RASGRF2: variants seen among roughly 807,000 people sequenced by gnomAD.
RASGRF2 encodes the protein ras-specific guanine nucleotide-releasing factor 2.
In RASGRF2, 76 loss-of-function variants were observed where a neutral mutation model predicts 151.0. The ratio of observed to expected loss-of-function variants is 0.50; its 90% CI spans 0.42 to 0.61. RASGRF2 has a LOEUF of 0.61. Ranked by LOEUF, RASGRF2 falls within the 20% of genes least tolerant of loss-of-function variation. The probability of loss-of-function intolerance (pLI) is 0.00; values close to 1 mark genes in which losing one functional copy is unlikely to be tolerated. For missense variants in RASGRF2, 1,148 were observed against 1,564.6 expected (o/e 0.73, Z 4.49); for synonymous variants, 504 against 566.5 (o/e 0.89, Z 1.57).
At chr5:81,134,079 C>CGCGTGTGT (rs1554036799) in intron 17 of RASGRF2, among the ~76,000 whole-genome samples, 2 of 143,702 alleles carry the variant, frequency 1.4e-5, no homozygotes, top group South Asian at 4.5e-4. Context: ...TGCTTGTGTG[C>CGCGTGTGT]GTGTGTGTGT....
At chr5:80,985,902 G>A (rs769310697) in intron 1 of RASGRF2, among the ~76,000 whole-genome samples, 12 of 151,810 alleles carry the variant, frequency 7.9e-5, no homozygotes, top group Non-Finnish European at 7.4e-5. Flanking sequence ...TAGAGTGTGT[G>A]CTTGACTCCA....
intron 1 of RASGRF2, among the ~76,000 whole-genome samples, chr5:80,965,132 A>G (rs1747682778): frequency 6.6e-6 from 1 of 152,086 alleles, no homozygotes; most frequent in Non-Finnish European, 1.5e-5. Context: ...ATTTCCTGTC[A>G]CTTCATTACT....
chr5:80,960,746 A>G lies in RASGRF2; in HGVS notation c.8A>G (p.Lys3Arg), dbSNP rs1344884389. 6.3e-7 allele frequency: 1 copy of G among 1,591,572 alleles called. No individual in the cohort carries two copies. Among genetic ancestry groups the G allele is most frequent in the Non-Finnish European group, 8.6e-7 (1 of 1,166,756 alleles). The change falls in exon 1 of 27, where the codon AAG becomes AGG. Residue 3 changes from lysine (K) to arginine (R), a missense_variant. Lys to Arg is a conservative substitution (Grantham distance 26, BLOSUM62 2). Transcript: ENST00000265080. The surrounding 1 kb of genome is among the most constrained non-coding windows in gnomAD (Gnocchi z 5.5). ...GCCCTCCGCACCCGCACCATGCAGA[A>G]GAGCGTGCGCTACAACGAGGGGCAC... The part of the protein sequence containing the change: MQ[K>R]SVRYNEGHAL...
At chr5:81,164,489 G>T (rs1352045519) in intron 17 of RASGRF2, among the ~76,000 whole-genome samples, 1 of 150,284 alleles carries the variant, frequency 6.7e-6, no homozygotes, top group African/African-American at 2.4e-5. Context: ...GTTTAAGAAT[G>T]AATATGGTTC....
At chr5:81,108,194 ATATT>A (rs1319083043) in intron 12 of RASGRF2, among the ~76,000 whole-genome samples, 2 of 152,240 alleles carry the variant, frequency 1.3e-5, no homozygotes, top group Non-Finnish European at 2.9e-5. Context: ...AAAATTGATT[ATATT>A]TTTTCATTTT....
intron 1 of RASGRF2, among the ~76,000 whole-genome samples, chr5:81,038,460 T>G (rs1363829064): frequency 6.6e-6 from 1 of 152,176 alleles, no homozygotes; most frequent in South Asian, 2.1e-4. Context: ...TAAATGTCTT[T>G]TAAAATTTAT....
chr5:80,980,138 A>G lies in RASGRF2; in HGVS notation c.288+19112A>G, dbSNP rs963651094. Among the ~76,000 whole-genome samples the G allele has an allele frequency of 2.6e-5, 4 of 152,296 alleles. No individual in the cohort carries two copies. In the East Asian group the frequency reaches 7.7e-4, roughly 29 times the overall value. ...TTACCTTTGTGATTTGAAAAAACCA[A>G]AACAAAACCATTCAGCACTCATGGA... On this transcript the variant is annotated intron_variant, in intron 1 of 26. Coordinates refer to ENST00000265080, the MANE Select transcript of RASGRF2 (RefSeq NM_006909.3).
At chr5:81,100,133 T>C (rs1752661311) in intron 12 of RASGRF2, among the ~76,000 whole-genome samples, 1 of 152,058 alleles carries the variant, frequency 6.6e-6, no homozygotes, top group Non-Finnish European at 1.5e-5. Flanking sequence ...GGTCTCAATC[T>C]CCTGACCTCG....
chr5:81,121,605 A>T (rs552896908), intron 15 of RASGRF2, among the ~76,000 whole-genome samples: 1 of 152,308 alleles, frequency 6.6e-6, no homozygotes, highest in East Asian at 1.9e-4. Context: ...AATTCAATTT[A>T]ATTTCCCTCC....
At chr5:80,990,027 G>A (rs1227661816) in intron 1 of RASGRF2, among the ~76,000 whole-genome samples, 1 of 152,080 alleles carries the variant, frequency 6.6e-6, no homozygotes. Flanking sequence ...CTACCTTAGA[G>A]GCTGCCAAGG....
At chr5:81,087,662 C>A (rs1580299381) in intron 9 of RASGRF2, 3 of 418,190 alleles carry the variant, frequency 7.2e-6, no homozygotes, top group East Asian at 7.5e-5. Flanking sequence ...TAAACCACAT[C>A]CCAAGTTATT....
chr5:81,064,284 C>G (rs1751530745), intron 2 of RASGRF2, among the ~76,000 whole-genome samples: 1 of 152,200 alleles, frequency 6.6e-6, no homozygotes, highest in South Asian at 2.1e-4. Context: ...ATGGGCCTCT[C>G]TGTAGAGTAG....
chr5:80,971,943 A>C (rs1747950998), intron 1 of RASGRF2, among the ~76,000 whole-genome samples: 1 of 150,382 alleles, frequency 6.6e-6, no homozygotes, highest in Non-Finnish European at 1.5e-5. Context: ...TCCTTATGTT[A>C]CCAAAGCTGG....
chr5:81,137,649 A>G (rs901438556), intron 17 of RASGRF2, among the ~76,000 whole-genome samples: 7 of 152,358 alleles, frequency 4.6e-5, no homozygotes, highest in Admixed American at 3.9e-4. Flanking sequence ...TAGGACATAC[A>G]CATAGACTAA....
At chr5:81,084,234 AC>A (rs1210156056) in intron 7 of RASGRF2, among the ~76,000 whole-genome samples, 5 of 152,254 alleles carry the variant, frequency 3.3e-5, no homozygotes, top group Admixed American at 6.5e-5. Context: ...GCTTTCCTAC[AC>A]CTGTCCTGTT....
At chr5:81,106,266 C>T (rs994552691) in intron 12 of RASGRF2, among the ~76,000 whole-genome samples, 44 of 152,012 alleles carry the variant, frequency 2.9e-4, no homozygotes, top group African/African-American at 9.7e-4. Flanking sequence ...TTATTCCTTT[C>T]TTCAAAATAT....
rs147768531 is a variant in RASGRF2 at position 81,108,592 on chromosome 5, C to T, written c.1756-404C>T. On this transcript the variant is annotated intron_variant, in intron 12 of 26. Coordinates refer to ENST00000265080, the MANE Select transcript of RASGRF2 (RefSeq NM_006909.3). The stretch of plus-strand genomic sequence containing the variant: ...CCAATCTGACTACTCTACACCACCC[C>T]CTGGTTGCAGAAAATGAATATAGCA... Among the ~76,000 whole-genome samples the T allele has an allele frequency of 7.7e-3, 1,179 of 152,284 alleles. 29 individuals carry two copies. Among genetic ancestry groups the T allele is most frequent in the Admixed American group, 0.039 (599 of 15,294 alleles).
intron 1 of RASGRF2, among the ~76,000 whole-genome samples, chr5:80,985,941 G>GTGTA (rs938235960): frequency 6.6e-6 from 1 of 152,040 alleles, no homozygotes; most frequent in African/African-American, 2.4e-5. Flanking sequence ...GTGTGTGTGT[G>GTGTA]TGTATGTGTG....
At chr5:80,996,536 CCCT>C (rs1748882562) in intron 1 of RASGRF2, among the ~76,000 whole-genome samples, 2 of 12,508 alleles carry the variant, frequency 1.6e-4, no homozygotes, top group Non-Finnish European at 3.2e-4. Flanking sequence ...CTCCTCCTCC[CCCT>C]CCTCCTCCTC....
Sources: gnomAD v4.1 joint callset for allele counts (sites outside exome capture counted in the v4.1 genomes callset) on GRCh38, gnomAD v4.1.1 for gene constraint, Gnocchi (gnomAD v3.1) non-coding constraint, MANE v1.5 for transcripts, NCBI Gene and HGNC (gene_info 2026-07-23, HGNC 2026-07-21) for gene names.